The following IFT81 variants were observed in gnomAD, a reference collection of about 807,000 sequenced individuals.
The protein encoded by IFT81 is intraflagellar transport protein 81 homolog.
A neutral mutation model predicts 102.6 loss-of-function variants in IFT81; 72 were observed. That is an observed-to-expected ratio of 0.70 (90% CI 0.58 to 0.85). The LOEUF (loss-of-function observed/expected upper bound fraction) is 0.85. Among genes scored for constraint, IFT81 ranks in the 40% least tolerant of loss-of-function variants. The pLI is 0.00. For missense variants in IFT81, 723 were observed against 787.3 expected (o/e 0.92, Z 0.98); for synonymous variants, 237 against 242.7 (o/e 0.98, Z 0.22).
chr12:110,187,873 G>A (rs1268757562), intron 12 of IFT81, among the ~76,000 whole-genome samples: 2 of 152,064 alleles, frequency 1.3e-5, no homozygotes, highest in Non-Finnish European at 2.9e-5. Flanking sequence ...CAAGGATGTA[G>A]GTCTTACTGC....
intron 14 of IFT81, among the ~76,000 whole-genome samples, chr12:110,198,636 T>C (rs1898122164): frequency 6.6e-6 from 1 of 152,174 alleles, no homozygotes; most frequent in African/African-American, 2.4e-5. Flanking sequence ...TTCATCTCAC[T>C]TTCATATTTT....
chr12:110,138,829 AG>A (rs1399835282), intron 8 of IFT81, among the ~76,000 whole-genome samples: 1 of 152,264 alleles, frequency 6.6e-6, no homozygotes, highest in Non-Finnish European at 1.5e-5. Flanking sequence ...ATGTTTTCAA[AG>A]GGTTTTTAAT....
intron 18 of IFT81, among the ~76,000 whole-genome samples, chr12:110,215,110 G>A (rs980092258): frequency 6.6e-5 from 10 of 152,010 alleles, no homozygotes; most frequent in African/African-American, 2.4e-4. Flanking sequence ...TTAATGGGTG[G>A]TTTGACTCTG....
intron 18 of IFT81, among the ~76,000 whole-genome samples, chr12:110,215,676 T>G (rs1870018508): frequency 6.6e-6 from 1 of 151,782 alleles, no homozygotes. Context: ...CTCACTTTGT[T>G]GCCCAGGCTG....
intron 11 of IFT81, among the ~76,000 whole-genome samples, chr12:110,174,173 G>A (rs1005551174): frequency 6.6e-6 from 1 of 150,986 alleles, no homozygotes; most frequent in African/African-American, 2.4e-5. Flanking sequence ...AGCTACTCGG[G>A]AGGCTGAGGC....
intron 4 of IFT81, 27 bp from the exon 5 acceptor site, chr12:110,132,520 T>C: frequency 9.7e-7 from 1 of 1,026,040 alleles, no homozygotes; most frequent in Non-Finnish European, 1.5e-6. Flanking sequence ...AGTTATTAGT[T>C]TATAATTTCT....
At chr12:110,212,174 C>T (rs1227110425) in intron 18 of IFT81, among the ~76,000 whole-genome samples, 2 of 147,258 alleles carry the variant, frequency 1.4e-5, no homozygotes, top group African/African-American at 2.5e-5. Context: ...TATAAGTAAA[C>T]TTAAGAAAAC....
In IFT81 at chr12:110,218,288, T is replaced by C; in HGVS notation, c.*62T>C. Reference sequence around the variant, plus strand: ...ACTAGCTATAAGCCTAATCTCATAATGTATTTCTTTTTTGAAACTGATTTG... The same window carrying C: ...ACTAGCTATAAGCCTAATCTCATAACGTATTTCTTTTTTGAAACTGATTTG... On this transcript the variant is annotated 3_prime_UTR_variant, in exon 19 of 19. Transcript: ENST00000242591. The C allele has an allele frequency of 1.6e-6, 2 of 1,248,520 alleles. No homozygotes were observed. Among genetic ancestry groups the C allele is most frequent in the Non-Finnish European group, 2.1e-6 (2 of 933,238 alleles). 77.3% of individuals were successfully genotyped at this position (1,248,520 alleles called of 1,614,324 possible).
chr12:110,198,895 C>T (rs182157890), intron 14 of IFT81, among the ~76,000 whole-genome samples: 21 of 151,630 alleles, frequency 1.4e-4, no homozygotes, highest in African/African-American at 5.1e-4. Flanking sequence ...CTGCAACCTC[C>T]GTGTCCCGGG....
chr12:110,205,686 T>A lies in IFT81; in HGVS notation c.1802+6T>A. 6.4e-7 allele frequency: 1 copy of A among 1,559,546 alleles called. No individual in the cohort carries two copies. The highest frequency in any genetic ancestry group is 2.3e-5 in the East Asian group (1 of 43,976). ...GAAAAAAGAAAGGCAATTAGGCAAG[T>A]GATTTTGTTGTTTTATATTGAGATA... is the stretch of plus-strand genomic sequence containing the variant. On this transcript the variant is annotated splice_donor_region_variant and intron_variant, in intron 17 of 18. Coordinates refer to ENST00000242591, the MANE Select transcript of IFT81 (RefSeq NM_014055.4).
intron 10 of IFT81, among the ~76,000 whole-genome samples, chr12:110,150,196 T>C (rs1400500488): frequency 2.6e-5 from 4 of 151,954 alleles, no homozygotes; most frequent in Non-Finnish European, 5.9e-5. Context: ...AACCTCCGCC[T>C]CCTGGGTTCA....
intron 14 of IFT81, among the ~76,000 whole-genome samples, chr12:110,194,554 G>A (rs1028830901): frequency 2.6e-5 from 4 of 151,934 alleles, no homozygotes; most frequent in South Asian, 4.1e-4. Flanking sequence ...GATTATAGGC[G>A]TGAGCCACCA....
intron 17 of IFT81, among the ~76,000 whole-genome samples, chr12:110,207,771 G>A (rs1394582398): frequency 6.6e-6 from 1 of 151,914 alleles, no homozygotes; most frequent in Non-Finnish European, 1.5e-5. Context: ...CACCGTGTTA[G>A]CCAGGATGGT....
rs1224728020 is a variant in IFT81, at chr12:110,218,090, A to T, written c.1895A>T (p.Asn632Ile). Residue 632 changes from asparagine to isoleucine, a missense_variant, in exon 19 of 19, where the codon AAT (asparagine) becomes ATT (isoleucine). Asn to Ile is a moderately radical substitution (Grantham distance 149). Transcript: ENST00000242591. ...QKVIRESHGP[N>I]MKQAKMWRDL... The stretch of plus-strand genomic sequence containing the variant: ...GTTATACGAGAAAGTCATGGTCCAA[A>T]TATGAAACAAGCAAAAATGTGGCGT... 1 of 1,605,646 alleles carries T rather than the reference A, an allele frequency of 6.2e-7. No individual in the cohort carries two copies. Among genetic ancestry groups the T allele is most frequent in the Admixed American group, 1.7e-5 (1 of 57,840 alleles).
At chr12:110,197,860 G>T (rs1658274694) in intron 14 of IFT81, among the ~76,000 whole-genome samples, 1 of 151,922 alleles carries the variant, frequency 6.6e-6, no homozygotes, top group South Asian at 2.1e-4. Context: ...TTACAGGCAT[G>T]CACCACCACA....
At chr12:110,148,530 C>T (rs566686532) in intron 10 of IFT81, among the ~76,000 whole-genome samples, 76 of 151,442 alleles carry the variant, frequency 5.0e-4, no homozygotes, top group Admixed American at 2.0e-3. Context: ...GGCTAGAGTG[C>T]AGTGGTGCGA....
At chr12:110,191,150 C>A in intron 13 of IFT81, 102 bp downstream of exon 13, 1 of 990,972 alleles carries the variant, frequency 1.0e-6, no homozygotes, top group Non-Finnish European at 1.4e-6. Flanking sequence ...TTAATTTCTG[C>A]ACATTACATT....
At chr12:110,139,809 AAAATAAAAT>A (rs1217427483) in intron 8 of IFT81, among the ~76,000 whole-genome samples, 4 of 141,076 alleles carry the variant, frequency 2.8e-5, no homozygotes, top group South Asian at 2.2e-4. Flanking sequence ...ACAATAAAAT[AAAATAAAAT>A]AAATAAAATA....
chr12:110,172,994 G>C (rs1156608807), intron 11 of IFT81, among the ~76,000 whole-genome samples: 10 of 148,554 alleles, frequency 6.7e-5, no homozygotes, highest in African/African-American at 2.5e-4. Context: ...GAGGTGGGGG[G>C]GTCAGCCCCC....
Sources: allele counts gnomAD v4.1 joint callset (sites outside exome capture counted in the v4.1 genomes callset), GRCh38; gene constraint gnomAD v4.1.1; transcripts MANE v1.5; gene names NCBI Gene and HGNC (gene_info 2026-07-23, HGNC 2026-07-21).